Variants in ELP2 observed in about 807,000 individuals in gnomAD.
ELP2 encodes elongator acetyltransferase complex subunit 2.
Under a neutral mutation model 119.2 loss-of-function variants are expected in ELP2, and 90 were observed. The observed-to-expected ratio is 0.75, with a 90% confidence interval of 0.64 to 0.90. The LOEUF (loss-of-function observed/expected upper bound fraction) is 0.90. Among genes scored for constraint, ELP2 ranks in the 40% least tolerant of loss-of-function variants. ELP2 has a pLI of 0.00. For missense variants in ELP2, 921 were observed against 967.8 expected, an observed-to-expected ratio of 0.95 and a Z score of 0.64; for synonymous variants, 339 against 331.0, an observed-to-expected ratio of 1.02 and a Z score of -0.26.
chr18:36,130,116 GAACC>G, intron 1 of ELP2, 45 bp downstream of exon 1: 1 of 1,612,744 alleles, frequency 6.2e-7, no homozygotes, highest in Non-Finnish European at 8.5e-7. Context: ...TTTTCGGGTT[GAACC>G]TGTGGACGTG....
At chr18:36,156,317 C>T in intron 12 of ELP2, 149 bp from the exon 13 acceptor site, 1 of 772,270 alleles carries the variant, frequency 1.3e-6, no homozygotes, top group Admixed American at 2.3e-5. Context: ...GTAATTTTTA[C>T]CAATACTGCC....
chr18:36,160,125 T>C (rs1302631365), intron 16 of ELP2, 110 bp downstream of exon 16: 15 of 972,184 alleles, frequency 1.5e-5, no homozygotes, highest in Non-Finnish European at 2.0e-5. Context: ...CCTACCTTTT[T>C]CCTCCTCTTC....
chr18:36,147,223 C>A (rs1785925), intron 11 of ELP2, among the ~76,000 whole-genome samples: 54,818 of 151,262 alleles, frequency 0.36, 10,010 homozygotes, highest in Middle Eastern at 0.44. Context: ...ACAGGTGCAC[C>A]TCACCACACC....
intron 7 of ELP2, 81 bp from the exon 8 acceptor site, chr18:36,142,745 A>G (rs1039700666): frequency 6.6e-6 from 6 of 906,072 alleles, no homozygotes; most frequent in African/African-American, 5.1e-5. Flanking sequence ...CTGGAAATAT[A>G]TATATTATAG....
chr18:36,148,101 T>TG (rs2090271973), intron 11 of ELP2, among the ~76,000 whole-genome samples: 1 of 150,564 alleles, frequency 6.6e-6, no homozygotes, highest in Non-Finnish European at 1.5e-5. Context: ...GGTTTTTGTT[T>TG]TTTTTTTTTT....
chr18:36,141,433 G>A (rs982094681), intron 6 of ELP2: 4 of 529,586 alleles, frequency 7.6e-6, no homozygotes, highest in Admixed American at 3.1e-5. Context: ...GTCATTAGGT[G>A]GGGGAGGAGA....
rs547240134 is a variant in ELP2, at chr18:36,175,912, A to G, written c.*1271A>G. The G allele has an allele frequency of 3.9e-5, 6 of 152,316 alleles. No homozygotes were observed. The highest frequency in any genetic ancestry group is 2.6e-4 in the Admixed American group (4 of 15,300). The allele number at this position is 152,316 out of a possible 1,614,324, so 9.4% of individuals were successfully genotyped here. On this transcript the variant is annotated 3_prime_UTR_variant, in exon 22 of 22. Transcript: ENST00000358232. ...GTGGGAGTTTATGCTGTTATTTAAC[A>G]TATTTTGCTTCCAAAGGGGTTAAGA...
chr18:36,169,768 C>T (rs1226294328), intron 19 of ELP2, among the ~76,000 whole-genome samples: 1 of 152,032 alleles, frequency 6.6e-6, no homozygotes, highest in Non-Finnish European at 1.5e-5. Context: ...TCCACTGGAT[C>T]AGAACCAATT....
At chr18:36,132,538 C>T (rs2089672114) in intron 1 of ELP2, among the ~76,000 whole-genome samples, 2 of 152,184 alleles carry the variant, frequency 1.3e-5, no homozygotes, top group South Asian at 4.1e-4. Flanking sequence ...GAGAAAGGGG[C>T]TGTAAAGAGG....
chr18:36,158,373 A>T (rs967965865), intron 13 of ELP2: 1 of 154,114 alleles, frequency 6.5e-6, no homozygotes, highest in Non-Finnish European at 1.4e-5. Flanking sequence ...GGTATGTTTA[A>T]TGAAAATACT....
In ELP2 at chr18:36,167,174, T is replaced by G. The variant is rs537626330; in HGVS notation, c.2028T>G (p.Asp676Glu). 5 of 1,599,294 alleles carry G rather than the reference T, an allele frequency of 3.1e-6. No individual in the cohort carries two copies. Among genetic ancestry groups the G allele is most frequent in the Non-Finnish European group, 4.3e-6 (5 of 1,171,984 alleles). Residue 676 changes from aspartate to glutamate, a missense_variant, in exon 19 of 22, where the codon GAT (aspartate) becomes GAG (glutamate). By Grantham distance (45) the Asp-to-Glu change is conservative. Coordinates refer to ENST00000358232, the MANE Select transcript of ELP2 (RefSeq NM_018255.4). ...ACAGTAGAATTATTTGGTCTTGTGA[T>G]TGGAGTCCTGACAGCAAGTATTTCT... ...SVHSRIIWSC[D>E]WSPDSKYFFT...
At position 36,178,245 on chromosome 18, in the gene ELP2, A is replaced by G. The variant is rs1185357251; in HGVS notation, c.*3604A>G. On this transcript the variant is annotated 3_prime_UTR_variant, in exon 22 of 22. Transcript: ENST00000358232. ...GGTAGAGGTTTGGGCCTTGGCTCTGATGCTTGAACATAAACACACCTAGTC... is the reference window on the plus strand; with the variant it reads ...GGTAGAGGTTTGGGCCTTGGCTCTGGTGCTTGAACATAAACACACCTAGTC... The G allele has an allele frequency of 3.3e-5, 5 of 152,266 alleles. No homozygotes were observed. Among genetic ancestry groups the G allele is most frequent in the Non-Finnish European group, 7.3e-5 (5 of 68,092 alleles). 9.4% of individuals were successfully genotyped at this position (152,266 alleles called of 1,614,324 possible).
intron 1 of ELP2, among the ~76,000 whole-genome samples, chr18:36,130,514 A>G (rs2089572206): frequency 6.6e-6 from 1 of 152,196 alleles, no homozygotes; most frequent in South Asian, 2.1e-4. Flanking sequence ...AATTTCAAGG[A>G]AATGTTACCT....
At chr18:36,136,503 A>C (rs934783150) in intron 3 of ELP2, 126 bp downstream of exon 3, 5 of 784,048 alleles carry the variant, frequency 6.4e-6, no homozygotes, top group Admixed American at 5.4e-5. Context: ...TCAGCCTCCT[A>C]AGTAGCTGGG....
intron 21 of ELP2, 83 bp downstream of exon 21, chr18:36,171,243 T>C (rs2091073124): frequency 2.3e-6 from 2 of 882,018 alleles, no homozygotes; most frequent in Admixed American, 1.9e-5. Context: ...CACATTTTCA[T>C]GGAGAGGGAC....
chr18:36,137,317 C>G (rs1279462267), intron 3 of ELP2: 1 of 152,260 alleles, frequency 6.6e-6, no homozygotes, highest in Non-Finnish European at 1.5e-5. Flanking sequence ...ACTGGGACTG[C>G]TGGCACACAC....
intron 14 of ELP2, among the ~76,000 whole-genome samples, chr18:36,159,507 T>G (rs1445096499): frequency 6.6e-6 from 1 of 152,136 alleles, no homozygotes; most frequent in African/African-American, 2.4e-5. Flanking sequence ...GACTGTTAGA[T>G]CAAAGAAAAT....
At chr18:36,149,478 G>GTTTTTTTTTTTTTTT (rs1239631733) in intron 11 of ELP2, among the ~76,000 whole-genome samples, 4 of 64,512 alleles carry the variant, frequency 6.2e-5, no homozygotes, top group South Asian at 4.5e-4. Context: ...AGGGTTTTTT[G>GTTTTTTTTTTTTTTT]TTTTGTTTTG....
At chr18:36,157,922 T>C (rs1432930919) in intron 13 of ELP2, among the ~76,000 whole-genome samples, 9 of 152,180 alleles carry the variant, frequency 5.9e-5, no homozygotes, top group African/African-American at 2.2e-4. Context: ...GTTTTACGAT[T>C]CCATGAGAGG....
Sources: allele counts gnomAD v4.1 joint callset (sites outside exome capture counted in the v4.1 genomes callset), GRCh38; gene constraint gnomAD v4.1.1; transcripts MANE v1.5; gene names NCBI Gene and HGNC (gene_info 2026-07-23, HGNC 2026-07-21).